The following C2orf92 variants were observed in gnomAD, a reference collection of about 807,000 sequenced individuals.
C2orf92 encodes chromosome 2 open reading frame 92.
chr2:97,676,433 C>CAAAAAAAA (rs1302287547), intron 3 of C2orf92, among the ~76,000 whole-genome samples: 1 of 31,120 alleles, frequency 3.2e-5, no homozygotes, highest in African/African-American at 1.7e-4. Flanking sequence ...GACTCCATCT[C>CAAAAAAAA]AAAAAAAAAA....
At chr2:97,692,928 C>T (rs182688589) in intron 5 of C2orf92, among the ~76,000 whole-genome samples, 64 of 148,696 alleles carry the variant, frequency 4.3e-4, no homozygotes, top group African/African-American at 1.5e-3. Context: ...TCTAGCCTTC[C>T]ATCTACACAC....
At chr2:97,693,140 T>G (rs1203038673) in intron 5 of C2orf92, among the ~76,000 whole-genome samples, 1 of 152,236 alleles carries the variant, frequency 6.6e-6, no homozygotes, top group Non-Finnish European at 1.5e-5. Context: ...TAATGCATGT[T>G]GTAGCATATG....
chr2:97,675,017 C>T (rs1295941787), intron 2 of C2orf92, among the ~76,000 whole-genome samples: 1 of 152,222 alleles, frequency 6.6e-6, no homozygotes, highest in Admixed American at 6.5e-5. Context: ...CATTCCACCT[C>T]ATCCTCTGTA....
intron 3 of C2orf92, among the ~76,000 whole-genome samples, chr2:97,679,583 T>C (rs1675693814): frequency 6.6e-6 from 1 of 152,050 alleles, no homozygotes; most frequent in Admixed American, 6.5e-5. Flanking sequence ...GGCTTATGCC[T>C]GTAATCCCAG....
upstream of C2orf92, chr2:97,668,506 G>C (rs973494584): frequency 6.6e-6 from 1 of 152,140 alleles, no homozygotes; most frequent in Non-Finnish European, 1.5e-5. Context: ...CCACGTCCTG[G>C]AACAGAGACT....
At chr2:97,676,150 A>G (rs1336860122) in intron 3 of C2orf92, among the ~76,000 whole-genome samples, 5 of 152,286 alleles carry the variant, frequency 3.3e-5, no homozygotes, top group South Asian at 2.1e-4. Context: ...AGAGTGATCT[A>G]TGGAGCAGGA....
intron 3 of C2orf92, chr2:97,677,842 TAAATA>T (rs1675633313): frequency 6.6e-6 from 1 of 152,050 alleles, no homozygotes; most frequent in Non-Finnish European, 1.5e-5. Context: ...AAACAATGTA[TAAATA>T]AAATAATATC....
At chr2:97,688,526 A>G (rs1676035203) in intron 3 of C2orf92, among the ~76,000 whole-genome samples, 1 of 152,208 alleles carries the variant, frequency 6.6e-6, no homozygotes, top group Admixed American at 6.5e-5. Flanking sequence ...GTTCTGATTC[A>G]TCTGTGCCCT....
upstream of C2orf92, chr2:97,669,129 T>G (rs1472362303): frequency 6.6e-6 from 1 of 152,214 alleles, no homozygotes; most frequent in East Asian, 1.9e-4. Context: ...CAAGGTACTA[T>G]AATAGATTTT....
intron 5 of C2orf92, among the ~76,000 whole-genome samples, chr2:97,696,647 A>C (rs902286601): frequency 6.6e-6 from 1 of 152,148 alleles, no homozygotes; most frequent in Non-Finnish European, 1.5e-5. Context: ...GAGGCAGGAA[A>C]ATTGCTTGAA....
intron 3 of C2orf92, among the ~76,000 whole-genome samples, chr2:97,683,339 C>T (rs1675845655): frequency 6.6e-6 from 1 of 151,950 alleles, no homozygotes; most frequent in African/African-American, 2.4e-5. Context: ...AACTACAAAG[C>T]ACTGATAAAA....
chr2:97,668,967 T>C (rs562626801), upstream of C2orf92: 2 of 152,056 alleles, frequency 1.3e-5, no homozygotes, highest in Admixed American at 6.5e-5. Flanking sequence ...TATAACTCTT[T>C]GTGCAAGTTT....
chr2:97,683,485 A>G (rs1675850656), intron 3 of C2orf92, among the ~76,000 whole-genome samples: 1 of 151,236 alleles, frequency 6.6e-6, no homozygotes, highest in Non-Finnish European at 1.5e-5. Context: ...GGATCACTTG[A>G]GCCCAGGTGT....
At chr2:97,699,481 A>G (rs1281369844) in intron 6 of C2orf92, among the ~76,000 whole-genome samples, 3 of 152,168 alleles carry the variant, frequency 2.0e-5, no homozygotes, top group Non-Finnish European at 4.4e-5. Context: ...GGGTGCCTGT[A>G]ATCGCAGCTA....
At chr2:97,663,980 C>G (rs1473061630), upstream of C2orf92, 1 of 829,548 alleles carries the variant, frequency 1.2e-6, no homozygotes, top group African/African-American at 1.8e-5. Flanking sequence ...GCGGCGGCTC[C>G]CGACGCGGCG....
chr2:97,696,783 G>A (rs1327836099), intron 5 of C2orf92, among the ~76,000 whole-genome samples: 1 of 152,164 alleles, frequency 6.6e-6, no homozygotes, highest in Non-Finnish European at 1.5e-5. Context: ...CATCTCGATA[G>A]GAGGAGGAGT....
At chr2:97,666,653 G>A (rs1373263904), upstream of C2orf92, among the ~76,000 whole-genome samples, 3 of 151,732 alleles carry the variant, frequency 2.0e-5, no homozygotes, top group Non-Finnish European at 4.4e-5. Context: ...GACCAGCCTG[G>A]ACAACATGGC....
intron 3 of C2orf92, chr2:97,677,853 A>G (rs959693701): frequency 6.6e-6 from 1 of 152,216 alleles, no homozygotes; most frequent in South Asian, 2.1e-4. Context: ...AAATAAAATA[A>G]TATCAATAAA....
intron 6 of C2orf92, among the ~76,000 whole-genome samples, chr2:97,700,711 T>C (rs1676463781): frequency 1.4e-5 from 2 of 147,674 alleles, no homozygotes; most frequent in South Asian, 4.2e-4. Context: ...AACCAGTGGC[T>C]AAGATGCCAA....
Sources: gnomAD v4.1 joint callset for allele counts (sites outside exome capture counted in the v4.1 genomes callset) on GRCh38, gnomAD v4.1.1 for gene constraint, MANE v1.5 for transcripts, NCBI Gene and HGNC (gene_info 2026-07-23, HGNC 2026-07-21) for gene names.